Variants in FRYL observed in about 807,000 individuals in gnomAD.
FRYL encodes the protein FRY like transcription coactivator, also known as protein furry homolog-like.
FRYL carries 150 observed loss-of-function variants against 351.2 expected under a neutral mutation model. The ratio of observed to expected loss-of-function variants is 0.43; its 90% CI spans 0.37 to 0.49. The LOEUF (loss-of-function observed/expected upper bound fraction) is 0.49. Among genes scored for constraint, FRYL ranks in the 20% least tolerant of loss-of-function variants. FRYL has a pLI of 0.00. For synonymous variants in FRYL, 1,153 were observed against 1,257.1 expected, an observed-to-expected ratio of 0.92 and a Z score of 1.75; for missense variants, 3,036 against 3,619.3, an observed-to-expected ratio of 0.84 and a Z score of 4.13.
At position 48,546,151 on chromosome 4, in the gene FRYL, A is replaced by G. The variant is rs1731287951; in HGVS notation, c.5195T>C (p.Leu1732Pro). The G allele has an allele frequency of 1.2e-6, 2 of 1,613,762 alleles. No individual in the cohort carries two copies. Among genetic ancestry groups the G allele is most frequent in the Non-Finnish European group, 1.7e-6 (2 of 1,179,840 alleles). ...AACCTCATTGAGGATAGTGGTGTGC[A>G]GATGTGAAATGGCAGCACTGTTATT... The part of the protein sequence containing the change: ...LGNNSAAISH[L>P]HTTILNEVDI... The change falls in exon 42 of 64, where the codon CTG becomes CCG. Residue 1732 changes from leucine (L) to proline (P), a missense_variant. By Grantham distance (98) the Leu-to-Pro change is moderately conservative (BLOSUM62 -3). Coordinates refer to ENST00000358350, the MANE Select transcript of FRYL (RefSeq NM_015030.2).
At chr4:48,620,608 C>T in intron 6 of FRYL, 31 bp downstream of exon 6, 5 of 1,569,136 alleles carry the variant, frequency 3.2e-6, no homozygotes, top group South Asian at 1.2e-5. Context: ...GTGTTAATTC[C>T]AGGTGAAACA....
At chr4:48,744,146 T>A (rs1197962861) in intron 1 of FRYL, among the ~76,000 whole-genome samples, 2 of 151,774 alleles carry the variant, frequency 1.3e-5, no homozygotes, top group Non-Finnish European at 2.9e-5. Context: ...TACGAATTAG[T>A]AGGGGAGGGG....
intron 2 of FRYL, among the ~76,000 whole-genome samples, chr4:48,688,189 G>A (rs775050731): frequency 3.3e-5 from 5 of 152,148 alleles, no homozygotes; most frequent in African/African-American, 4.8e-5. Context: ...GTCAATTCCT[G>A]CCATTCTACT....
intron 3 of FRYL, among the ~76,000 whole-genome samples, chr4:48,669,207 T>G (rs1482875060): frequency 6.6e-6 from 1 of 152,220 alleles, no homozygotes; most frequent in Non-Finnish European, 1.5e-5. Flanking sequence ...GCTTTCCTTT[T>G]GCTTCTTAAG....
intron 19 of FRYL, among the ~76,000 whole-genome samples, chr4:48,586,185 C>T (rs547962332): frequency 2.5e-4 from 38 of 152,154 alleles, no homozygotes; most frequent in African/African-American, 9.2e-4. Flanking sequence ...ACTTAAATGC[C>T]ACAGTTCTGC....
intron 1 of FRYL, among the ~76,000 whole-genome samples, chr4:48,714,169 G>A (rs1768463140): frequency 6.6e-6 from 1 of 152,070 alleles, no homozygotes; most frequent in African/African-American, 2.4e-5. Flanking sequence ...AGAGAAAGCA[G>A]GAAAGATTCA....
At chr4:48,592,339 C>T (rs888037819) in intron 16 of FRYL, among the ~76,000 whole-genome samples, 3 of 151,832 alleles carry the variant, frequency 2.0e-5, no homozygotes, top group Non-Finnish European at 4.4e-5. Context: ...ATAATTTTAT[C>T]TAGCTTTAAC....
At chr4:48,681,024 A>G in intron 3 of FRYL, 1 of 1,285,860 alleles carries the variant, frequency 7.8e-7, no homozygotes, top group Non-Finnish European at 1.0e-6. Context: ...GTGAGCTAAG[A>G]CGTTTCATCT....
intron 1 of FRYL, among the ~76,000 whole-genome samples, chr4:48,714,311 A>C (rs57939472): frequency 0.015 from 2,170 of 140,654 alleles, 19 homozygotes; most frequent in East Asian, 0.078. Flanking sequence ...AAAAACCCTT[A>C]AAAAAATTAA....
In FRYL at chr4:48,698,848, G is replaced by C. The variant is rs541412716; in HGVS notation, c.-204+11671C>G. ...AGGCTTTATTCTCCACAGTGGTTAA[G>C]TCAGTCTAAACAAGTAACAAATATA... is the stretch of plus-strand genomic sequence containing the variant. On this transcript the variant is annotated intron_variant, in intron 2 of 63. Transcript: ENST00000358350. 4.0e-5 allele frequency among the ~76,000 whole-genome samples: 6 copies of C among 150,816 alleles called. 1 individual carries two copies. Among genetic ancestry groups the C allele is most frequent in the African/African-American group, 1.5e-4 (6 of 41,006 alleles).
At chr4:48,707,059 CTG>C (rs1767443897) in intron 2 of FRYL, among the ~76,000 whole-genome samples, 2 of 152,146 alleles carry the variant, frequency 1.3e-5, no homozygotes, top group Admixed American at 1.3e-4. Flanking sequence ...AATAATGTCA[CTG>C]TGTTAAGCCA....
At chr4:48,582,422 A>T (rs1443950401) in intron 20 of FRYL, 75 bp downstream of exon 20, 2 of 891,888 alleles carry the variant, frequency 2.2e-6, no homozygotes, top group Admixed American at 4.2e-5. Flanking sequence ...TTGATAAAGT[A>T]AATCTGTATT....
At chr4:48,602,753 C>T (rs934274960) in intron 12 of FRYL, among the ~76,000 whole-genome samples, 10 of 152,174 alleles carry the variant, frequency 6.6e-5, no homozygotes, top group African/African-American at 1.2e-4. Flanking sequence ...CTAGAAAAGA[C>T]GTAATTAGAC....
chr4:48,499,650 A>T lies in FRYL; in HGVS notation c.8814T>A (p.Ser2938Arg). 1 of 1,614,068 alleles carries T rather than the reference A, an allele frequency of 6.2e-7. No individual in the cohort carries two copies. Among genetic ancestry groups the T allele is most frequent in the Admixed American group, 1.7e-5 (1 of 60,012 alleles). ...GTGTCTGTACAGGGTCATCTTCACA[A>T]CTGCCAAAGATATCACTGGGCCAGA... Reference protein sequence around the residue: ...RSLWPSDIFGSCEDDPVQTLL... With the variant: ...RSLWPSDIFGRCEDDPVQTLL... The change falls in exon 64 of 64, where the codon AGT (serine) becomes AGA (arginine). Residue 2938 changes from serine (S) to arginine (R), a missense_variant. Transcript: ENST00000358350.
intron 45 of FRYL, among the ~76,000 whole-genome samples, chr4:48,541,623 G>C (rs1730180575): frequency 6.6e-6 from 1 of 152,178 alleles, no homozygotes; most frequent in Non-Finnish European, 1.5e-5. Flanking sequence ...AGTGACATTT[G>C]GGATGGGACT....
intron 62 of FRYL, among the ~76,000 whole-genome samples, chr4:48,500,435 T>C (rs1719299826): frequency 6.6e-6 from 1 of 152,234 alleles, no homozygotes; most frequent in South Asian, 2.1e-4. Context: ...TTAAATGTTC[T>C]TGATAAAGCA....
chr4:48,592,114 AT>A (rs1553942042), intron 16 of FRYL, among the ~76,000 whole-genome samples: 3 of 136,846 alleles, frequency 2.2e-5, no homozygotes, highest in Admixed American at 7.0e-5. Flanking sequence ...ATATATATAT[AT>A]TTTATCTAAG....
chr4:48,544,004 A>C lies in FRYL; in HGVS notation c.5402-7T>G. 1 of 1,612,442 alleles carries C rather than the reference A, an allele frequency of 6.2e-7. No homozygotes were observed. Among genetic ancestry groups the C allele is most frequent in the East Asian group, 2.2e-5 (1 of 44,826 alleles). On this transcript the variant is annotated splice_region_variant and splice_polypyrimidine_tract_variant and intron_variant, in intron 43 of 63. Coordinates refer to ENST00000358350, the MANE Select transcript of FRYL (RefSeq NM_015030.2). Reference sequence around the variant, plus strand: ...TGTTCCAGATGAATTCCTTCTGTGAATGCAAAGGAAACGAGTAGGTTGTTC... The same window carrying C: ...TGTTCCAGATGAATTCCTTCTGTGACTGCAAAGGAAACGAGTAGGTTGTTC...
chr4:48,647,571 C>A (rs1349170283), intron 3 of FRYL, among the ~76,000 whole-genome samples: 2 of 152,136 alleles, frequency 1.3e-5, no homozygotes, highest in Non-Finnish European at 2.9e-5. Flanking sequence ...CGATAATCAG[C>A]TGTACTTCTC....
Sources: gnomAD v4.1 joint callset for allele counts (sites outside exome capture counted in the v4.1 genomes callset) on GRCh38, gnomAD v4.1.1 for gene constraint, MANE v1.5 for transcripts, NCBI Gene and HGNC (gene_info 2026-07-23, HGNC 2026-07-21) for gene names.